The following SMUG1 variants were observed in gnomAD, a reference collection of about 807,000 sequenced individuals.
The protein encoded by SMUG1 is single-strand selective monofunctional uracil DNA glycosylase.
SMUG1 carries 13 observed loss-of-function variants against 23.9 expected under a neutral mutation model. The observed-to-expected ratio is 0.54, with a 90% CI of 0.35 to 0.86. The LOEUF (loss-of-function observed/expected upper bound fraction) is 0.86. SMUG1 is among the 40% of genes least tolerant of loss of function. The probability of loss-of-function intolerance (pLI) is 0.01; values close to 1 mark genes in which losing one functional copy is unlikely to be tolerated. For synonymous variants in SMUG1, 133 were observed against 139.8 expected, an observed-to-expected ratio of 0.95 and a Z score of 0.34; for missense variants, 313 against 339.5, an observed-to-expected ratio of 0.92 and a Z score of 0.61.
intron 3 of SMUG1, among the ~76,000 whole-genome samples, chr12:54,167,654 C>A (rs911423124): frequency 2.6e-5 from 4 of 152,146 alleles, no homozygotes; most frequent in Non-Finnish European, 4.4e-5. Context: ...CAAAGCCCTC[C>A]TTAATGCAGA....
Position 54,183,882 on chromosome 12 carries a change from G to A in SMUG1, c.59C>T (p.Pro20Leu), listed in dbSNP as rs796319113. 3.1e-6 allele frequency: 5 copies of A among 1,608,598 alleles called. No homozygotes were observed. The highest frequency in any genetic ancestry group is 4.2e-6 in the Non-Finnish European group (5 of 1,177,562). ...AGCCAAGCTTCCAGGGCAGGGCTGG[G>A]GCTCCATGAGGGCACCTGCAGGCTC... Reference protein sequence around the residue: ...IHEPAGALMEPQPCPGSLAES... With the variant: ...IHEPAGALMELQPCPGSLAES... Residue 20 changes from proline (P) to leucine (L), a missense_variant, in exon 3 of 4, where the codon CCC becomes CTC. Transcript: ENST00000682136.
At chr12:54,178,495 A>C (rs1430399913), downstream of SMUG1, among the ~76,000 whole-genome samples, 1 of 152,112 alleles carries the variant, frequency 6.6e-6, no homozygotes, top group Non-Finnish European at 1.5e-5. Context: ...CTATGCCCCT[A>C]GATGTCCTCC....
At position 54,180,896 on chromosome 12, in the gene SMUG1, G is replaced by A. The variant is rs1472331374; in HGVS notation, c.*1200C>T. 1 of 151,758 alleles carries A rather than the reference G, an allele frequency of 6.6e-6. No individual in the cohort carries two copies. The highest frequency in any genetic ancestry group is 1.5e-5 in the Non-Finnish European group (1 of 68,058). 9.4% of individuals were successfully genotyped at this position (151,758 alleles called of 1,614,324 possible). A position where few individuals can be genotyped will look rare whatever the true frequency, so the allele number is the denominator to read the frequency against. Reference sequence around the variant, plus strand: ...CCAGCTATACAGGAGGCTGAGGCAGGAGAATCACTTGAACCGGGAAAGCAG... The same window carrying A: ...CCAGCTATACAGGAGGCTGAGGCAGAAGAATCACTTGAACCGGGAAAGCAG... On this transcript the variant is annotated 3_prime_UTR_variant, in exon 4 of 4. Coordinates refer to ENST00000682136, the MANE Select transcript of SMUG1 (RefSeq NM_001243787.2).
chr12:54,165,719 T>G (rs1299385119), intron 3 of SMUG1, among the ~76,000 whole-genome samples: 3 of 151,754 alleles, frequency 2.0e-5, no homozygotes, highest in Non-Finnish European at 4.4e-5. Flanking sequence ...AACAGAACCA[T>G]CGAAACACCC....
chr12:54,174,692 A>C (rs1196373663), intron 2 of SMUG1, among the ~76,000 whole-genome samples: 2 of 152,262 alleles, frequency 1.3e-5, no homozygotes, highest in South Asian at 2.1e-4. Flanking sequence ...GGCTTGGCAC[A>C]GGCCACCATG....
downstream of SMUG1, among the ~76,000 whole-genome samples, chr12:54,176,129 G>A (rs572313470): frequency 3.3e-4 from 50 of 152,260 alleles, no homozygotes; most frequent in Non-Finnish European, 6.6e-4. Context: ...AGGAGGCTGA[G>A]GCAGGAGAAT....
intron 2 of SMUG1, among the ~76,000 whole-genome samples, chr12:54,185,540 C>A (rs1942254169): frequency 6.8e-6 from 1 of 147,276 alleles, no homozygotes; most frequent in Admixed American, 6.9e-5. Context: ...TTGCCGGGCG[C>A]AACAGCTCAT....
At chr12:54,173,388 G>C (rs1028146709) in intron 2 of SMUG1, among the ~76,000 whole-genome samples, 1 of 152,228 alleles carries the variant, frequency 6.6e-6, no homozygotes, top group Non-Finnish European at 1.5e-5. Flanking sequence ...GAAGGCTGCA[G>C]AGAGGGCGAG....
At chr12:54,164,672 G>C (rs952428953), downstream of SMUG1, 1 of 152,310 alleles carries the variant, frequency 6.6e-6, no homozygotes, top group Non-Finnish European at 1.5e-5. Context: ...TTCACCAGGG[G>C]GTGAGGAGGG....
chr12:54,175,135 G>A (rs2136551163), intron 2 of SMUG1: 1 of 152,338 alleles, frequency 6.6e-6, no homozygotes, highest in East Asian at 1.9e-4. Context: ...GGAAACAGCT[G>A]CCCTATATCC....
chr12:54,184,890 A>G (rs1941958441), intron 2 of SMUG1, among the ~76,000 whole-genome samples: 1 of 152,238 alleles, frequency 6.6e-6, no homozygotes, highest in Admixed American at 6.5e-5. Flanking sequence ...AAGGCCAGGC[A>G]TGGTGGCTCA....
At chr12:54,178,353 CA>C (rs1940804365), downstream of SMUG1, among the ~76,000 whole-genome samples, 2 of 152,162 alleles carry the variant, frequency 1.3e-5, no homozygotes, top group South Asian at 4.1e-4. Flanking sequence ...CCAGACCCAG[CA>C]GCGACTCTGC....
chr12:54,184,603 T>C (rs766323833), intron 2 of SMUG1, among the ~76,000 whole-genome samples: 7 of 152,194 alleles, frequency 4.6e-5, no homozygotes, highest in Non-Finnish European at 8.8e-5. Context: ...AGTTAGTAAG[T>C]AATAAAGCTG....
chr12:54,176,509 C>CCCCCG (rs756730187), downstream of SMUG1, among the ~76,000 whole-genome samples: 1 of 98,104 alleles, frequency 1.0e-5, no homozygotes, highest in African/African-American at 4.0e-5. Flanking sequence ...AGATCCTGTC[C>CCCCCG]CCCCCCAAAA....
chr12:54,178,050 C>T (rs940724290), downstream of SMUG1, among the ~76,000 whole-genome samples: 1 of 152,162 alleles, frequency 6.6e-6, no homozygotes, highest in African/African-American at 2.4e-5. Context: ...AGAAGAGAAA[C>T]ACCAGGGAGG....
At position 54,185,193 on chromosome 12, in the gene SMUG1, G is replaced by A. The variant is rs138482463; in HGVS notation, c.-19-1234C>T. Among the ~76,000 whole-genome samples, 19 of 151,570 alleles carry A rather than the reference G, an allele frequency of 1.3e-4. No individual in the cohort carries two copies. The East Asian group carries it at 3.1e-3, about 25-fold the overall frequency. Reference sequence around the variant, plus strand: ...CATGGTGGTACGTGCCTGTAATCCCGGCTACTCTGGAGGCTGAGGCAGAAT... The same window carrying A: ...CATGGTGGTACGTGCCTGTAATCCCAGCTACTCTGGAGGCTGAGGCAGAAT... On this transcript the variant is annotated intron_variant, in intron 2 of 3. Transcript: ENST00000682136.
At chr12:54,176,508 C>CCCCCCT (rs1565805474), downstream of SMUG1, among the ~76,000 whole-genome samples, 4 of 36,258 alleles carry the variant, frequency 1.1e-4, no homozygotes, top group East Asian at 8.6e-4. Context: ...AAGATCCTGT[C>CCCCCCT]CCCCCCCAAA....
intron 3 of SMUG1, among the ~76,000 whole-genome samples, chr12:54,168,982 G>A (rs1940551712): frequency 6.6e-6 from 1 of 152,156 alleles, no homozygotes; most frequent in South Asian, 2.1e-4. Flanking sequence ...ACTCAACCAT[G>A]CTCAGCTCAC....
intron 3 of SMUG1, among the ~76,000 whole-genome samples, chr12:54,169,247 G>A (rs1192521809): frequency 6.6e-6 from 1 of 152,176 alleles, no homozygotes; most frequent in South Asian, 2.1e-4. Context: ...AGGGGGACAC[G>A]CAGGGGAGAC....
Sources: gnomAD v4.1 joint callset for allele counts (sites outside exome capture counted in the v4.1 genomes callset) on GRCh38, gnomAD v4.1.1 for gene constraint, MANE v1.5 for transcripts, NCBI Gene and HGNC (gene_info 2026-07-23, HGNC 2026-07-21) for gene names.